TLE2: variants seen among roughly 807,000 people sequenced by gnomAD.
TLE2 encodes TLE family member 2, transcriptional corepressor.
TLE2 carries 74 observed loss-of-function variants against 97.2 expected under a neutral mutation model. That is an observed-to-expected ratio of 0.76 (90% CI 0.63 to 0.92). The LOEUF is 0.92. Among genes scored for constraint, TLE2 ranks in the 40% least tolerant of loss-of-function variants. The pLI, the probability that TLE2 is intolerant of heterozygous loss-of-function variation, is 0.00. For missense variants in TLE2, 1,038 were observed against 1,008.7 expected, an observed-to-expected ratio of 1.03 and a Z score of -0.39; for synonymous variants, 499 against 432.1, an observed-to-expected ratio of 1.15 and a Z score of -1.92.
At chr19:3,038,936 G>A (rs1305832278) in intron 1 of TLE2, among the ~76,000 whole-genome samples, 1 of 152,116 alleles carries the variant, frequency 6.6e-6, no homozygotes, top group African/African-American at 2.4e-5. Context: ...CCAGCTACTT[G>A]GGAGGCTGAG....
intron 5 of TLE2, among the ~76,000 whole-genome samples, chr19:3,024,167 AT>A (rs113734238): frequency 1.4e-4 from 21 of 146,462 alleles, no homozygotes; most frequent in Middle Eastern, 3.5e-3. Flanking sequence ...TGCCCGGCTA[AT>A]TTTTTTTTTT....
upstream of TLE2, among the ~76,000 whole-genome samples, chr19:3,031,343 TGTG>T (rs2090023375): frequency 3.8e-4 from 2 of 5,314 alleles, no homozygotes; most frequent in Non-Finnish European, 6.2e-4. Context: ...AAGATACAAT[TGTG>T]TGTGTGTGTG....
intron 19 of TLE2, among the ~76,000 whole-genome samples, chr19:2,999,424 G>C (rs1046856273): frequency 4.6e-5 from 7 of 152,184 alleles, no homozygotes; most frequent in African/African-American, 1.4e-4. Context: ...ACTGCTGATG[G>C]GGATATAAAA....
Position 3,011,126 on chromosome 19 carries a change from G to C in TLE2, c.908C>G (p.Ser303Cys). 1 of 1,610,002 alleles carries C rather than the reference G, an allele frequency of 6.2e-7. No individual in the cohort carries two copies. The highest frequency in any genetic ancestry group is 1.3e-5 in the African/African-American group (1 of 74,880). The change falls in exon 12 of 20, where the codon TCC becomes TGC. Residue 303 changes from serine (S) to cysteine (C), a missense_variant. Physicochemically the swap from Ser to Cys is moderately radical, Grantham distance 112. Transcript: ENST00000262953. The stretch of plus-strand genomic sequence containing the variant: ...GTCCTGGGGCGGGGAGGAGTCACAG[G>C]ATTTGGAGGCAGGAGTGCTGGCGGG... ...DLPASTPASK[S>C]CDSSPPQDAS...
Position 3,028,780 on chromosome 19 carries a change from G to C in TLE2, c.48C>G (p.Pro16=). ...RHPTPLQSGQ[P]FKFSILEICD... is the part of the protein sequence containing the mutation. ...AGATCTCCAAGATCGAGAACTTGAA[G>C]GGCTGGCCGGACTGGAGCGGGGTCT... is the stretch of plus-strand genomic sequence containing the variant. The change falls in exon 2 of 20, where the codon CCC becomes CCG. Residue 16 remains proline (P), a synonymous_variant. Transcript: ENST00000262953. 6.2e-7 allele frequency: 1 copy of C among 1,612,882 alleles called. No individual in the cohort carries two copies. Among genetic ancestry groups the C allele is most frequent in the South Asian group, 1.1e-5 (1 of 91,086 alleles).
At chr19:3,013,188 T>C (rs957979171) in intron 11 of TLE2, among the ~76,000 whole-genome samples, 1 of 152,110 alleles carries the variant, frequency 6.6e-6, no homozygotes, top group African/African-American at 2.4e-5. Flanking sequence ...TGCTTTTAGA[T>C]GGCTCACATG....
chr19:3,024,988 C>T, intron 5 of TLE2, 32 bp downstream of exon 5: 1 of 1,454,862 alleles, frequency 6.9e-7, no homozygotes, highest in South Asian at 1.2e-5. Context: ...CGGCTCCCTT[C>T]CCCTCCTCCC....
At position 3,016,675 on chromosome 19, in the gene TLE2, AT is replaced by A. The variant is rs1186105301; in HGVS notation, c.571-916del. On this transcript the variant is annotated intron_variant, in intron 8 of 19. Transcript: ENST00000262953. ...CATTTCTGTTGGGGAGCACCCACAG[AT>A]ATTGCTGAACGGCTGATGGCTAGGC... 9.3e-4 allele frequency among the ~76,000 whole-genome samples: 142 copies of A among 152,056 alleles called. 5 individuals are homozygous for A. The highest frequency in any genetic ancestry group is 2.5e-4 in the Non-Finnish European group (17 of 68,018).
At chr19:3,035,853 A>G (rs1359902720) in intron 1 of TLE2, among the ~76,000 whole-genome samples, 1 of 152,030 alleles carries the variant, frequency 6.6e-6, no homozygotes, top group Non-Finnish European at 1.5e-5. Flanking sequence ...CTGAGACCCT[A>G]GTGGACGCCC....
chr19:3,009,383 A>G (rs1256121543), intron 13 of TLE2, among the ~76,000 whole-genome samples, 159 bp downstream of exon 13: 1 of 152,174 alleles, frequency 6.6e-6, no homozygotes, highest in East Asian at 1.9e-4. Context: ...TTGTGGGACT[A>G]CTGAGACCCC....
intron 7 of TLE2, 25 bp from the exon 8 acceptor site, chr19:3,017,884 G>C: frequency 6.2e-7 from 1 of 1,609,496 alleles, no homozygotes; most frequent in Non-Finnish European, 8.5e-7. Flanking sequence ...ATGGGATAAA[G>C]AGAAAGAAGG....
intron 18 of TLE2, among the ~76,000 whole-genome samples, chr19:3,001,789 T>TTC (rs1311064971): frequency 4.8e-5 from 6 of 125,616 alleles, no homozygotes; most frequent in African/African-American, 1.3e-4. Context: ...TTTCTTTTCT[T>TTC]TCTTTTTTTT....
intron 9 of TLE2, 32 bp downstream of exon 9, chr19:3,015,621 C>A (rs775360676): frequency 1.6e-5 from 24 of 1,544,866 alleles, no homozygotes; most frequent in Non-Finnish European, 1.9e-5. Flanking sequence ...GCCATGCACG[C>A]CCATCCCAGT....
Position 3,028,925 on chromosome 19 carries a change from C to T in TLE2, c.-21G>A, listed in dbSNP as rs2089992999. 6.2e-7 allele frequency: 1 copy of T among 1,608,814 alleles called. No homozygotes were observed. The highest frequency in any genetic ancestry group is 2.2e-5 in the East Asian group (1 of 44,818). ...TACATCCTGCCGATCCGAAAAGCCC[C>T]CCAGGCGCCACCAGAGCTTGATGAT... is the stretch of plus-strand genomic sequence containing the variant. On this transcript the variant is annotated 5_prime_UTR_variant, in exon 1 of 20. Transcript: ENST00000262953.
Position 3,009,623 on chromosome 19 carries a change from G to A in TLE2, c.1092C>T (p.Asp364=). The change falls in exon 13 of 20, where the codon GAC becomes GAT. Residue 364 remains aspartate (D), a synonymous_variant. Coordinates refer to ENST00000262953, the MANE Select transcript of TLE2 (RefSeq NM_003260.5). ...TGACGTAGGAGCTGGGCACGGAGAGGTCTCCGTTGAGAGTGCTGTGGGAGC... is the reference window on the plus strand; with the variant it reads ...TGACGTAGGAGCTGGGCACGGAGAGATCTCCGTTGAGAGTGCTGTGGGAGC... ...SLGSHSTLNG[D]LSVPSSYVSL... 1 of 1,613,410 alleles carries A rather than the reference G, an allele frequency of 6.2e-7. No individual in the cohort carries two copies. The highest frequency in any genetic ancestry group is 1.1e-5 in the South Asian group (1 of 90,892).
At chr19:3,046,400 C>A (rs1384335866), upstream of TLE2, among the ~76,000 whole-genome samples, 1 of 152,206 alleles carries the variant, frequency 6.6e-6, no homozygotes, top group Non-Finnish European at 1.5e-5. Flanking sequence ...AGCTCCTATT[C>A]CCCGCTCCTT....
intron 1 of TLE2, among the ~76,000 whole-genome samples, chr19:3,044,679 C>T (rs563804229): frequency 3.3e-5 from 5 of 152,274 alleles, no homozygotes; most frequent in South Asian, 2.1e-4. Context: ...CTCGGCCTCC[C>T]GAAGCGCTGG....
chr19:3,008,806 A>G, intron 14 of TLE2, 63 bp downstream of exon 14: 2 of 1,343,564 alleles, frequency 1.5e-6, no homozygotes, highest in Non-Finnish European at 2.0e-6. Context: ...AGAGGGTAAG[A>G]CCTCAGAGGA....
At chr19:3,031,669 C>CA (rs2090026191), upstream of TLE2, among the ~76,000 whole-genome samples, 1 of 152,070 alleles carries the variant, frequency 6.6e-6, no homozygotes, top group Non-Finnish European at 1.5e-5. Flanking sequence ...TTTTCGCCCT[C>CA]ACTCACTCTG....
Sources: gnomAD v4.1 joint callset for allele counts (sites outside exome capture counted in the v4.1 genomes callset) on GRCh38, gnomAD v4.1.1 for gene constraint, MANE v1.5 for transcripts, NCBI Gene and HGNC (gene_info 2026-07-23, HGNC 2026-07-21) for gene names.